The following ZNF791 variants were observed in gnomAD, a reference collection of about 807,000 sequenced individuals.
The protein encoded by ZNF791 is zinc finger protein 791.
ZNF791 carries 4 observed loss-of-function variants against 11.5 expected under a neutral mutation model. The observed-to-expected ratio is 0.35, with a 90% confidence interval of 0.17 to 0.80. The LOEUF is 0.80. Among genes scored for constraint, ZNF791 ranks in the 30% least tolerant of loss-of-function variants. ZNF791 has a pLI of 0.53. For synonymous variants in ZNF791, 212 were observed against 228.1 expected (o/e 0.93, Z 0.64); for missense variants, 559 against 699.4 (o/e 0.80, Z 2.26).
Position 12,628,798 on chromosome 19 carries a change from T to G in ZNF791, c.1269T>G (p.Ser423=). The change falls in exon 4 of 4, where the codon TCT becomes TCG. Residue 423 remains serine (S), a synonymous_variant. Transcript: ENST00000343325. The part of the protein sequence containing the change: ...ECKECAKTFI[S]LENFRRHMIT... The stretch of plus-strand genomic sequence containing the variant: ...AGGAATGTGCAAAAACCTTCATTTC[T>G]CTTGAGAACTTTCGAAGACACATGA... 1 of 1,614,102 alleles carries G rather than the reference T, an allele frequency of 6.2e-7. No individual in the cohort carries two copies. The highest frequency in any genetic ancestry group is 2.2e-5 in the East Asian group (1 of 44,870).
chr19:12,623,855 CTT>C (rs66469937), intron 2 of ZNF791, 29 bp downstream of exon 2: 8,047 of 497,238 alleles, frequency 0.016, 1 homozygote, highest in Middle Eastern at 0.027. Flanking sequence ...TTTCTTTTTT[CTT>C]TTTTTTTTTT....
At position 12,628,853 on chromosome 19, in the gene ZNF791, T is replaced by C; in HGVS notation, c.1324T>C (p.Cys442Arg). Residue 442 changes from cysteine (C) to arginine (R), a missense_variant, in exon 4 of 4, where the codon TGT becomes CGT. Coordinates refer to ENST00000343325, the MANE Select transcript of ZNF791 (RefSeq NM_153358.3). ...ITHTGDGPYK[C>R]RDCGKVFIFP... is the part of the protein sequence containing the mutation. Reference sequence around the variant, plus strand: ...CCACACTGGAGACGGACCTTATAAATGTAGGGACTGTGGGAAGGTGTTCAT... The same window carrying C: ...CCACACTGGAGACGGACCTTATAAACGTAGGGACTGTGGGAAGGTGTTCAT... The C allele has an allele frequency of 1.2e-6, 2 of 1,613,822 alleles. No individual in the cohort carries two copies. Among genetic ancestry groups the C allele is most frequent in the Non-Finnish European group, 1.7e-6 (2 of 1,179,962 alleles).
intron 3 of ZNF791, among the ~76,000 whole-genome samples, chr19:12,626,822 G>A (rs2023436270): frequency 6.6e-6 from 1 of 151,040 alleles, no homozygotes; most frequent in African/African-American, 2.4e-5. Flanking sequence ...AGCCAGGGTG[G>A]TCTTGATCTC....
chr19:12,627,727 T>A lies in ZNF791; in HGVS notation c.198T>A (p.His66Gln). 1.2e-6 allele frequency: 2 copies of A among 1,608,936 alleles called. No homozygotes were observed. The highest frequency in any genetic ancestry group is 1.7e-6 in the Non-Finnish European group (2 of 1,176,324). ...TGCTTCTAATTTTTTACAGAAGCCA[T>A]ACGGGAGAGAGACTCTGTGAAGGTA... ...HKNQGRNLRS[H>Q]TGERLCEGKE... The change falls in exon 4 of 4, where the codon CAT becomes CAA. Residue 66 changes from histidine to glutamine, a missense_variant. His to Gln is a conservative substitution (Grantham distance 24, BLOSUM62 0). Coordinates refer to ENST00000343325, the MANE Select transcript of ZNF791 (RefSeq NM_153358.3).
At chr19:12,618,171 G>A (rs1016872212) in intron 1 of ZNF791, among the ~76,000 whole-genome samples, 2 of 152,020 alleles carry the variant, frequency 1.3e-5, no homozygotes, top group African/African-American at 4.8e-5. Context: ...ACCCACCTTG[G>A]CTTTGCAAGG....
intron 1 of ZNF791, among the ~76,000 whole-genome samples, chr19:12,611,503 C>T (rs1330345222): frequency 2.6e-5 from 4 of 152,208 alleles, no homozygotes; most frequent in African/African-American, 9.6e-5. Context: ...CCCTAGATTT[C>T]CGGATCCCTC....
In ZNF791 at chr19:12,630,066, A is replaced by AGGAGGATT. The variant is rs901419209; in HGVS notation, c.*808_*815dup. The AGGAGGATT allele has an allele frequency of 6.6e-6, 1 of 151,686 alleles. No homozygotes were observed. Among genetic ancestry groups the AGGAGGATT allele is most frequent in the African/African-American group, 2.4e-5 (1 of 41,236 alleles). 9.4% of individuals were successfully genotyped at this position (151,686 alleles called of 1,614,324 possible). ...TCCCATCTACATGGGAGGCTGAGGCAGGAGGATTGCCTGAGCCCAGGAGTT... is the reference window on the plus strand; with the variant it reads ...TCCCATCTACATGGGAGGCTGAGGCAGGAGGATTGGAGGATTGCCTGAGCCCAGGAGTT... On this transcript the variant is annotated 3_prime_UTR_variant, in exon 4 of 4. Transcript: ENST00000343325.
intron 1 of ZNF791, among the ~76,000 whole-genome samples, chr19:12,619,363 C>T (rs2023297041): frequency 6.6e-6 from 1 of 151,046 alleles, no homozygotes; most frequent in Non-Finnish European, 1.5e-5. Flanking sequence ...AATTTACAAA[C>T]TTAAAAAAAG....
chr19:12,611,168 G>T, intron 1 of ZNF791, 86 bp downstream of exon 1: 1 of 1,560,430 alleles, frequency 6.4e-7, no homozygotes, highest in Non-Finnish European at 8.8e-7. Flanking sequence ...CGCAGTGTGG[G>T]GCTGGGCTGG....
In ZNF791 at chr19:12,628,782, C is replaced by G; in HGVS notation, c.1253C>G (p.Ala418Gly). Reference sequence around the variant, plus strand: ...AAACCCTATGAGTGTAAGGAATGTGCAAAAACCTTCATTTCTCTTGAGAAC... The same window carrying G: ...AAACCCTATGAGTGTAAGGAATGTGGAAAAACCTTCATTTCTCTTGAGAAC... ...GEKPYECKEC[A>G]KTFISLENFR... Residue 418 changes from alanine to glycine, a missense_variant, in exon 4 of 4, where the codon GCA becomes GGA. Ala to Gly is a moderately conservative substitution (Grantham distance 60). Coordinates refer to ENST00000343325, the MANE Select transcript of ZNF791 (RefSeq NM_153358.3). 6.2e-7 allele frequency: 1 copy of G among 1,613,740 alleles called. No homozygotes were observed. The highest frequency in any genetic ancestry group is 2.2e-5 in the East Asian group (1 of 44,840).
rs554652858 is a variant in ZNF791 at position 12,632,153 on chromosome 19, G to T, written c.*2893G>T. 4.6e-5 allele frequency: 7 copies of T among 151,714 alleles called. No homozygotes were observed. The highest frequency in any genetic ancestry group is 1.0e-4 in the Non-Finnish European group (7 of 67,982). The allele number at this position is 151,714 out of a possible 1,614,324, so 9.4% of individuals were successfully genotyped here. On this transcript the variant is annotated 3_prime_UTR_variant, in exon 4 of 4. Coordinates refer to ENST00000343325, the MANE Select transcript of ZNF791 (RefSeq NM_153358.3). ...TTTTTTTTGTATTTTTAGTAGAGATGGGGTTTCACCGTGTTAAGCCAGGAT... is the reference window on the plus strand; with the variant it reads ...TTTTTTTTGTATTTTTAGTAGAGATTGGGTTTCACCGTGTTAAGCCAGGAT...
In ZNF791 at chr19:12,627,653, A is replaced by C. The variant is rs574947248; in HGVS notation, c.192-68A>C. 1.7e-4 allele frequency: 227 copies of C among 1,359,594 alleles called. 3 individuals are homozygous for C. The South Asian group carries it at 3.1e-3, about 19-fold the overall frequency. 84.2% of individuals were successfully genotyped at this position (1,359,594 alleles called of 1,614,324 possible). A position where few individuals can be genotyped will look rare whatever the true frequency, so the allele number is the denominator to read the frequency against. ...AAAAAGAAAAAAGAACTTTAGTTCT[A>C]CTACCCGATAATACATATAAAATCA... On this transcript the variant is annotated intron_variant, in intron 3 of 3. Coordinates refer to ENST00000343325, the MANE Select transcript of ZNF791 (RefSeq NM_153358.3).
chr19:12,613,199 ATCCACCCGCC>A (rs2023188959), intron 1 of ZNF791, among the ~76,000 whole-genome samples: 1 of 147,768 alleles, frequency 6.8e-6, no homozygotes, highest in South Asian at 2.2e-4. Context: ...ACCGCAGGTG[ATCCACCCGCC>A]TCAGCCTCCC....
intron 1 of ZNF791, among the ~76,000 whole-genome samples, chr19:12,619,264 CCTA>C (rs1244615015): frequency 2.0e-5 from 3 of 152,004 alleles, no homozygotes; most frequent in Admixed American, 6.6e-5. Flanking sequence ...AAATAATGCT[CCTA>C]CTATTTTTGT....
intron 2 of ZNF791, 136 bp from the exon 3 acceptor site, chr19:12,624,512 TCC>T (rs1162517895): frequency 9.4e-6 from 6 of 636,110 alleles, no homozygotes; most frequent in Non-Finnish European, 1.5e-5. Context: ...TAATCACTGT[TCC>T]GAGATTTGGA....
chr19:12,629,718 T>TA lies in ZNF791; in HGVS notation c.*463dup, dbSNP rs1258971874. 2.0e-5 allele frequency: 3 copies of TA among 151,842 alleles called. No homozygotes were observed. The highest frequency in any genetic ancestry group is 6.6e-5 in the Admixed American group (1 of 15,206). 9.4% of individuals were successfully genotyped at this position (151,842 alleles called of 1,614,324 possible). ...TAACACGGTAAAACCCCATCTCTAC[T>TA]AAAAATACAAACAATTAGCCGGGCG... On this transcript the variant is annotated 3_prime_UTR_variant, in exon 4 of 4. Transcript: ENST00000343325.
chr19:12,618,924 T>C (rs956879191), intron 1 of ZNF791, among the ~76,000 whole-genome samples: 4 of 150,162 alleles, frequency 2.7e-5, no homozygotes, highest in Admixed American at 6.7e-5. Context: ...CTCAGCTCAC[T>C]GCAACCTCCG....
At position 12,628,205 on chromosome 19, in the gene ZNF791, A is replaced by G. The variant is rs770744907; in HGVS notation, c.676A>G (p.Ser226Gly). ...ATGTAAACAATGTGGGAAAGCCTTC[A>G]GTTGTTCCAGTTCTATTCGAGTACA... is the stretch of plus-strand genomic sequence containing the variant. ...YECKQCGKAFSCSSSIRVHER... is the reference protein window; with the variant it reads ...YECKQCGKAFGCSSSIRVHER... The change falls in exon 4 of 4, where the codon AGT (serine) becomes GGT (glycine). Residue 226 changes from serine (S) to glycine (G), a missense_variant. By Grantham distance (56) the Ser-to-Gly change is moderately conservative (BLOSUM62 0). Transcript: ENST00000343325. The G allele has an allele frequency of 8.7e-5, 141 of 1,613,958 alleles. No individual in the cohort carries two copies. The highest frequency in any genetic ancestry group is 1.2e-4 in the Non-Finnish European group (136 of 1,179,946).
Position 12,629,103 on chromosome 19 carries a change from A to C in ZNF791, c.1574A>C (p.Lys525Thr). The C allele has an allele frequency of 1.9e-6, 3 of 1,605,506 alleles. No individual in the cohort carries two copies. The East Asian group carries it at 6.7e-5, about 36-fold the overall frequency. Residue 525 changes from lysine to threonine, a missense_variant, in exon 4 of 4, where the codon AAA (lysine) becomes ACA (threonine). By Grantham distance (78) the Lys-to-Thr change is moderately conservative. Coordinates refer to ENST00000343325, the MANE Select transcript of ZNF791 (RefSeq NM_153358.3). The stretch of plus-strand genomic sequence containing the variant: ...ATGCATACTGGAGAGAAACCCTATA[A>C]ATGTAAAGAATGTGGGAAGGCCTTT... ...MRMHTGEKPY[K>T]CKECGKAFSL...
Sources: gnomAD v4.1 joint callset for allele counts (sites outside exome capture counted in the v4.1 genomes callset) on GRCh38, gnomAD v4.1.1 for gene constraint, MANE v1.5 for transcripts, NCBI Gene and HGNC (gene_info 2026-07-23, HGNC 2026-07-21) for gene names.